Variants in MGA observed in about 807,000 individuals in gnomAD.
MGA encodes MAX dimerization protein MGA, also known as MAX gene-associated protein.
In MGA, 40 loss-of-function variants were observed where a neutral mutation model predicts 261.1. That is an observed-to-expected ratio of 0.15 (90% CI 0.12 to 0.20). The LOEUF (loss-of-function observed/expected upper bound fraction) is 0.20. MGA is among the 10% of genes least tolerant of loss of function. The probability of loss-of-function intolerance (pLI) is 1.00; values close to 1 mark genes in which losing one functional copy is unlikely to be tolerated. For missense variants in MGA, 3,397 were observed against 3,630.5 expected (o/e 0.94, Z 1.65); for synonymous variants, 1,302 against 1,290.6 (o/e 1.01, Z -0.19).
intron 2 of MGA, among the ~76,000 whole-genome samples, chr15:41,681,703 G>A (rs1260831039): frequency 6.6e-6 from 1 of 152,026 alleles, no homozygotes; most frequent in Non-Finnish European, 1.5e-5. Flanking sequence ...TCCTGCCTTG[G>A]CCTCCCAAAG....
At chr15:41,713,003 G>T in intron 8 of MGA, 148 bp from the exon 9 acceptor site, 1 of 1,187,534 alleles carries the variant, frequency 8.4e-7, no homozygotes, top group Non-Finnish European at 1.2e-6. Flanking sequence ...GCCCTGGTTA[G>T]ATTCATGTTC....
intron 1 of MGA, among the ~76,000 whole-genome samples, chr15:41,663,654 A>C (rs567539453): frequency 6.6e-6 from 1 of 151,938 alleles, no homozygotes; most frequent in African/African-American, 2.4e-5. Context: ...TATTTTTTGT[A>C]GAGAGAGGGT....
intron 13 of MGA, among the ~76,000 whole-genome samples, chr15:41,737,030 G>T (rs749981300): frequency 1.3e-4 from 20 of 152,122 alleles, no homozygotes; most frequent in Non-Finnish European, 2.4e-4. Context: ...ATTCAGTCTA[G>T]CTCTTGGAAT....
Position 41,727,170 on chromosome 15 carries a change from T to C in MGA, c.3431-10T>C, listed in dbSNP as rs756917525. ...AAGTACCTAAAACCTTACCCTTCTT[T>C]TTTGTTAAGCTATATGTGAGACAGA... On this transcript the variant is annotated splice_polypyrimidine_tract_variant and intron_variant, in intron 9 of 23. Transcript: ENST00000219905. The C allele has an allele frequency of 1.2e-6, 2 of 1,604,048 alleles. No individual in the cohort carries two copies. The highest frequency in any genetic ancestry group is 3.4e-5 in the Admixed American group (2 of 58,014).
chr15:41,704,112 C>T (rs768344607), intron 5 of MGA, among the ~76,000 whole-genome samples: 8 of 152,230 alleles, frequency 5.3e-5, no homozygotes, highest in South Asian at 4.1e-4. Context: ...TATGTCTGGC[C>T]GGTTTTAATG....
chr15:41,718,107 A>G (rs576050445), intron 9 of MGA, among the ~76,000 whole-genome samples: 1 of 151,682 alleles, frequency 6.6e-6, no homozygotes, highest in African/African-American at 2.4e-5. Flanking sequence ...CATATTAAGG[A>G]TAGAAATTTG....
intron 1 of MGA, among the ~76,000 whole-genome samples, chr15:41,652,409 A>T (rs2057086411): frequency 6.8e-6 from 1 of 146,414 alleles, no homozygotes; most frequent in Non-Finnish European, 1.5e-5. Flanking sequence ...TCTGATGCCT[A>T]GGCTAGAGTG....
At position 41,669,737 on chromosome 15, in the gene MGA, G is replaced by T; in HGVS notation, c.843G>T (p.Gly281=). ...AAAAGAACAGCTCTGACCAAGAAGG[G>T]AATAATATTTCCAGTTCTTCTGGTC... is the stretch of plus-strand genomic sequence containing the variant. Residue 281 remains glycine, a synonymous_variant, in exon 2 of 24, where the codon GGG becomes GGT. Coordinates refer to ENST00000219905, the MANE Select transcript of MGA (RefSeq NM_001164273.2). 6.2e-7 allele frequency: 1 copy of T among 1,613,636 alleles called. No individual in the cohort carries two copies. Among genetic ancestry groups the T allele is most frequent in the South Asian group, 1.1e-5 (1 of 91,034 alleles).
intron 1 of MGA, among the ~76,000 whole-genome samples, chr15:41,623,779 T>A (rs1253273172): frequency 0.15 from 2,422 of 16,514 alleles, 42 homozygotes; most frequent in African/African-American, 0.17. Context: ...ATATATATTT[T>A]TTTTTTTTTT....
At chr15:41,764,227 G>A (rs1249700201) in intron 22 of MGA, among the ~76,000 whole-genome samples, 3 of 149,108 alleles carry the variant, frequency 2.0e-5, no homozygotes, top group Non-Finnish European at 3.0e-5. Context: ...CCCAGTGTAT[G>A]AGCCAAAAAA....
intron 5 of MGA, among the ~76,000 whole-genome samples, chr15:41,702,176 C>A (rs748890765): frequency 6.6e-6 from 1 of 151,998 alleles, no homozygotes; most frequent in Non-Finnish European, 1.5e-5. Context: ...AAAAAATTAG[C>A]CAGGTGTGGT....
intron 15 of MGA, 143 bp downstream of exon 15, chr15:41,743,315 C>T: frequency 9.5e-7 from 1 of 1,053,120 alleles, no homozygotes; most frequent in South Asian, 1.8e-5. Flanking sequence ...CTGAAAACCT[C>T]TGCATGCTGC....
chr15:41,652,029 G>C (rs116115611), intron 1 of MGA, among the ~76,000 whole-genome samples: 4 of 113,526 alleles, frequency 3.5e-5, no homozygotes, highest in African/African-American at 1.4e-4. Flanking sequence ...TGCAGTGTGC[G>C]ATGTTGGCTC....
intron 15 of MGA, among the ~76,000 whole-genome samples, chr15:41,746,924 A>G (rs1303476069): frequency 1.3e-5 from 2 of 151,288 alleles, no homozygotes; most frequent in Non-Finnish European, 2.9e-5. Flanking sequence ...GACCAGTTTC[A>G]TTTATGCTTA....
upstream of MGA, among the ~76,000 whole-genome samples, chr15:41,656,375 T>TC (rs1566936599): frequency 1.9e-5 from 1 of 51,778 alleles, no homozygotes; most frequent in African/African-American, 3.5e-5. Flanking sequence ...TCTCTCTCTC[T>TC]CTCACACCCA....
rs577719526 is a variant in MGA, at chr15:41,709,722, C to G, written c.2426-969C>G. On this transcript the variant is annotated intron_variant, in intron 7 of 23. Transcript: ENST00000219905. ...AAGTGCCGGGATTACAGGCATGAAC[C>G]CCCGTGCTCAGTCTCACTCTCATAA... Among the ~76,000 whole-genome samples, 6 of 152,236 alleles carry G rather than the reference C, an allele frequency of 3.9e-5. No homozygotes were observed. In the South Asian group the frequency reaches 6.2e-4, roughly 16 times the overall value.
Position 41,729,268 on chromosome 15 carries a change from A to G in MGA, c.3762A>G (p.Pro1254=), listed in dbSNP as rs765479844. The change falls in exon 11 of 24, where the codon CCA becomes CCG. Residue 1254 remains proline (P), a synonymous_variant. Transcript: ENST00000219905. ...GAAAAAAAGAGGACCAGAGACAACCATCTTCCTCCTCCTCCCCATCTCCAT... is the reference window on the plus strand; with the variant it reads ...GAAAAAAAGAGGACCAGAGACAACCGTCTTCCTCCTCCTCCCCATCTCCAT... 5 of 1,613,884 alleles carry G rather than the reference A, an allele frequency of 3.1e-6. No homozygotes were observed. The highest frequency in any genetic ancestry group is 1.1e-5 in the South Asian group (1 of 91,074).
At chr15:41,646,983 T>C (rs1218999707) in intron 1 of MGA, among the ~76,000 whole-genome samples, 1 of 152,200 alleles carries the variant, frequency 6.6e-6, no homozygotes, top group Non-Finnish European at 1.5e-5. Context: ...CTGTCTTCCA[T>C]GTACAACTTA....
intron 11 of MGA, 81 bp from the exon 12 acceptor site, chr15:41,734,441 G>T: frequency 9.2e-7 from 1 of 1,083,342 alleles, no homozygotes; most frequent in Non-Finnish European, 1.4e-6. Flanking sequence ...TTCTGTGAGA[G>T]ATTTAATGCT....
Sources: allele counts gnomAD v4.1 joint callset (sites outside exome capture counted in the v4.1 genomes callset), GRCh38; gene constraint gnomAD v4.1.1; transcripts MANE v1.5; gene names NCBI Gene and HGNC (gene_info 2026-07-23, HGNC 2026-07-21).